The following CPE variants were observed in gnomAD, a reference collection of about 807,000 sequenced individuals.
CPE encodes the protein carbocypeptidase E.
Under a neutral mutation model 53.5 loss-of-function variants are expected in CPE, and 17 were observed. The observed-to-expected ratio is 0.32, with a 90% confidence interval of 0.22 to 0.48. CPE has a LOEUF of 0.48. CPE is among the 20% of genes least tolerant of loss of function. The probability of loss-of-function intolerance (pLI) is 0.99; values close to 1 mark genes in which losing one functional copy is unlikely to be tolerated. For synonymous variants in CPE, 226 were observed against 228.8 expected (o/e 0.99, Z 0.11); for missense variants, 524 against 614.7 (o/e 0.85, Z 1.56).
chr4:165,388,992 C>T (rs1262850097), intron 1 of CPE, among the ~76,000 whole-genome samples: 3 of 152,142 alleles, frequency 2.0e-5, no homozygotes, highest in African/African-American at 7.2e-5. Context: ...CTTTTGGAAA[C>T]TGCATTAACT....
intron 3 of CPE, among the ~76,000 whole-genome samples, chr4:165,478,215 G>C (rs982892814): frequency 6.6e-6 from 1 of 152,028 alleles, no homozygotes; most frequent in Non-Finnish European, 1.5e-5. Context: ...TTAAAGAAAG[G>C]CCACAATTGT....
At chr4:165,486,815 C>T (rs985698309) in intron 5 of CPE, among the ~76,000 whole-genome samples, 1 of 152,128 alleles carries the variant, frequency 6.6e-6, no homozygotes, top group African/African-American at 2.4e-5. Flanking sequence ...ATCAATATCC[C>T]ACCCTCTCCC....
intron 1 of CPE, among the ~76,000 whole-genome samples, chr4:165,385,080 A>G (rs968981193): frequency 2.0e-5 from 3 of 152,122 alleles, no homozygotes; most frequent in African/African-American, 7.2e-5. Flanking sequence ...ACTTTTGTTC[A>G]CCTCTTTTCC....
At chr4:165,391,395 G>A (rs1302417829) in intron 1 of CPE, among the ~76,000 whole-genome samples, 1 of 152,044 alleles carries the variant, frequency 6.6e-6, no homozygotes, top group Admixed American at 6.6e-5. Flanking sequence ...AGGCCAAGAA[G>A]GCTCTCATTC....
At chr4:165,399,406 C>T (rs1357142019) in intron 1 of CPE, among the ~76,000 whole-genome samples, 1 of 152,086 alleles carries the variant, frequency 6.6e-6, no homozygotes, top group African/African-American at 2.4e-5. Context: ...TCTCTGTCAC[C>T]CAGGCTGGAG....
intron 1 of CPE, among the ~76,000 whole-genome samples, chr4:165,390,255 G>A (rs1730659247): frequency 6.6e-6 from 1 of 152,128 alleles, no homozygotes; most frequent in South Asian, 2.1e-4. Context: ...CCCTAGGCTG[G>A]TCGTGTTTCT....
chr4:165,442,048 T>TC (rs1731624329), intron 1 of CPE, among the ~76,000 whole-genome samples: 1 of 132,466 alleles, frequency 7.5e-6, no homozygotes. Flanking sequence ...TTTTTTTTTG[T>TC]TTTTTTTTTT....
chr4:165,427,881 GA>G (rs1174874652), intron 1 of CPE, among the ~76,000 whole-genome samples: 4 of 151,966 alleles, frequency 2.6e-5, no homozygotes, highest in African/African-American at 4.8e-5. Flanking sequence ...ATTTCTTCTT[GA>G]AAAAAATGTG....
chr4:165,430,950 G>C (rs145674543), intron 1 of CPE, among the ~76,000 whole-genome samples: 2 of 152,314 alleles, frequency 1.3e-5, no homozygotes, highest in East Asian at 1.9e-4. Context: ...GACCTCGGTG[G>C]TTGCTCATGA....
At chr4:165,429,248 A>G (rs13131514) in intron 1 of CPE, among the ~76,000 whole-genome samples, 44,928 of 151,956 alleles carry the variant, frequency 0.3, 6,726 homozygotes, top group Middle Eastern at 0.39. Context: ...GACTGTTGGT[A>G]CTAGTTGTCA....
chr4:165,473,235 T>C (rs892309822), intron 3 of CPE, among the ~76,000 whole-genome samples: 6 of 152,254 alleles, frequency 3.9e-5, no homozygotes, highest in Non-Finnish European at 4.4e-5. Context: ...ATTCCTCTTT[T>C]TAAACAACCA....
chr4:165,422,572 G>A (rs1252837485), intron 1 of CPE, among the ~76,000 whole-genome samples: 1 of 152,160 alleles, frequency 6.6e-6, no homozygotes, highest in Non-Finnish European at 1.5e-5. Flanking sequence ...GGTTAAGGAT[G>A]TACCTGTGAC....
Position 165,427,583 on chromosome 4 carries a change from G to C in CPE, c.308-36807G>C, listed in dbSNP as rs572504439. ...GAAAATTAATATGGGCATTGGGTAA[G>C]AACCTACACATATTTTGCATTTTTT... On this transcript the variant is annotated intron_variant, in intron 1 of 8. Transcript: ENST00000402744. Among the ~76,000 whole-genome samples the C allele has an allele frequency of 4.6e-5, 7 of 152,242 alleles. 1 individual carries two copies. The South Asian group carries it at 1.5e-3, about 32-fold the overall frequency.
intron 3 of CPE, among the ~76,000 whole-genome samples, chr4:165,468,089 T>C (rs1732140610): frequency 6.6e-6 from 1 of 152,122 alleles, no homozygotes; most frequent in Non-Finnish European, 1.5e-5. Context: ...AACCCAGTTG[T>C]AGGTTTCTTA....
Position 165,484,457 on chromosome 4 carries a change from G to T in CPE, c.826G>T (p.Ala276Ser), listed in dbSNP as rs746645558. The change falls in exon 5 of 9, where the codon GCC (alanine) becomes TCC (serine). Residue 276 changes from alanine (A) to serine (S), a missense_variant. Ala to Ser is a moderately conservative substitution (Grantham distance 99, BLOSUM62 1). Transcript: ENST00000402744. ...CGAATACAGCTCCTCCCCAGATGAC[G>T]CCATTTTCCAAAGCTTGGCCCGGGC... ...AHEYSSSPDD[A>S]IFQSLARAYS... is the part of the protein sequence containing the mutation. 27 of 1,613,918 alleles carry T rather than the reference G, an allele frequency of 1.7e-5. 1 individual carries two copies. In the South Asian group the frequency reaches 2.9e-4, roughly 17 times the overall value.
chr4:165,480,097 C>A (rs1732377211), intron 3 of CPE, among the ~76,000 whole-genome samples: 1 of 151,722 alleles, frequency 6.6e-6, no homozygotes, highest in Admixed American at 6.6e-5. Context: ...TAAAAAACTT[C>A]TAGTTTTATT....
intron 2 of CPE, among the ~76,000 whole-genome samples, chr4:165,465,327 T>C (rs1732077676): frequency 6.6e-6 from 1 of 152,144 alleles, no homozygotes; most frequent in South Asian, 2.1e-4. Flanking sequence ...TGACATAGTT[T>C]GACATTGTAA....
chr4:165,461,103 G>A (rs556491818), intron 1 of CPE, among the ~76,000 whole-genome samples: 10 of 145,884 alleles, frequency 6.9e-5, no homozygotes, highest in African/African-American at 2.5e-4. Flanking sequence ...GGAGGTCGAG[G>A]CTGCAGTGAG....
intron 1 of CPE, among the ~76,000 whole-genome samples, chr4:165,457,628 A>C (rs1288889650): frequency 6.6e-6 from 1 of 152,214 alleles, no homozygotes; most frequent in Non-Finnish European, 1.5e-5. Flanking sequence ...TCTCTGCAGA[A>C]TAATTCTGTA....
Sources: allele counts gnomAD v4.1 joint callset (sites outside exome capture counted in the v4.1 genomes callset), GRCh38; gene constraint gnomAD v4.1.1; transcripts MANE v1.5; gene names NCBI Gene and HGNC (gene_info 2026-07-23, HGNC 2026-07-21).